The following RAB3GAP1 variants were observed in gnomAD, a reference collection of about 807,000 sequenced individuals.
RAB3GAP1 encodes rab3 GTPase-activating protein catalytic subunit.
RAB3GAP1 carries 86 observed loss-of-function variants against 130.7 expected under a neutral mutation model. The observed-to-expected ratio is 0.66, with a 90% CI of 0.55 to 0.79. The LOEUF is 0.79. Ranked by LOEUF, RAB3GAP1 falls within the 30% of genes least tolerant of loss-of-function variation. RAB3GAP1 has a pLI of 0.00. For synonymous variants in RAB3GAP1, 367 were observed against 401.7 expected (o/e 0.91, Z 1.03); for missense variants, 1,029 against 1,169.4 (o/e 0.88, Z 1.75).
At chr2:135,165,895 G>A (rs1264272055) in intron 23 of RAB3GAP1, among the ~76,000 whole-genome samples, 2 of 152,274 alleles carry the variant, frequency 1.3e-5, no homozygotes, top group African/African-American at 4.8e-5. Flanking sequence ...TAAGTGACAT[G>A]TTGGCTGGGT....
chr2:135,107,798 C>A (rs924342185), intron 5 of RAB3GAP1, among the ~76,000 whole-genome samples: 1 of 151,674 alleles, frequency 6.6e-6, no homozygotes, highest in Non-Finnish European at 1.5e-5. Context: ...CATGGTGAAA[C>A]CCCGTCTCTA....
At position 135,054,654 on chromosome 2, in the gene RAB3GAP1, C is replaced by A. The variant is rs1328067793; in HGVS notation, c.74+2169C>A. Among the ~76,000 whole-genome samples, 3 of 152,196 alleles carry A rather than the reference C, an allele frequency of 2.0e-5. No homozygotes were observed. In the East Asian group the frequency reaches 5.8e-4, roughly 29 times the overall value. ...TGAAGGTAGTTAGAAAAATGTAATT[C>A]AAATCTTGGAGGGTGGGGTAGGGAA... is the stretch of plus-strand genomic sequence containing the variant. On this transcript the variant is annotated intron_variant, in intron 2 of 23. Transcript: ENST00000264158.
intron 5 of RAB3GAP1, among the ~76,000 whole-genome samples, chr2:135,110,371 G>C (rs1202899484): frequency 2.6e-5 from 4 of 152,090 alleles, no homozygotes; most frequent in Non-Finnish European, 5.9e-5. Flanking sequence ...CTAAGCTCAA[G>C]TGATCCTCCT....
rs138464557 is a variant in RAB3GAP1 at position 135,168,673 on chromosome 2, G to A, written c.2838G>A (p.Pro946=). The A allele has an allele frequency of 9.3e-6, 15 of 1,614,134 alleles. No individual in the cohort carries two copies. The highest frequency in any genetic ancestry group is 1.6e-4 in the Middle Eastern group (1 of 6,062). Residue 946 remains proline, a synonymous_variant, in exon 24 of 24, where the codon CCG becomes CCA. Transcript: ENST00000264158. ...AATTCATTTTGCGCACCACTGTGCC[G>A]CGCCCTGCTCCCTACTCCAAAGCTC... is the stretch of plus-strand genomic sequence containing the variant. The part of the protein sequence containing the change: ...GREFILRTTV[P]RPAPYSKALP...
intron 23 of RAB3GAP1, chr2:135,167,728 T>A: frequency 6.8e-7 from 1 of 1,474,528 alleles, no homozygotes; most frequent in South Asian, 1.2e-5. Flanking sequence ...CAAAATAGCC[T>A]TTGCCCCTCA....
intron 17 of RAB3GAP1, among the ~76,000 whole-genome samples, chr2:135,146,493 T>G (rs1420865847): frequency 6.6e-6 from 1 of 152,194 alleles, no homozygotes; most frequent in Non-Finnish European, 1.5e-5. Flanking sequence ...ATTACAGGCT[T>G]GAGCCACCGC....
At chr2:135,149,158 C>T (rs1692092243) in intron 17 of RAB3GAP1, among the ~76,000 whole-genome samples, 1 of 152,122 alleles carries the variant, frequency 6.6e-6, no homozygotes, top group South Asian at 2.1e-4. Context: ...TCCTTCCTTC[C>T]CATCCTGTGA....
At chr2:135,057,891 T>G in intron 2 of RAB3GAP1, 120 bp from the exon 3 acceptor site, 3 of 725,268 alleles carry the variant, frequency 4.1e-6, no homozygotes, top group Non-Finnish European at 7.3e-6. Flanking sequence ...CAATACTAAA[T>G]GTACTGAGTC....
intron 2 of RAB3GAP1, 120 bp from the exon 3 acceptor site, chr2:135,057,891 T>C (rs1215386480): frequency 2.8e-6 from 2 of 725,150 alleles, no homozygotes; most frequent in African/African-American, 1.8e-5. Context: ...CAATACTAAA[T>C]GTACTGAGTC....
At chr2:135,106,764 A>C (rs546490263) in intron 5 of RAB3GAP1, among the ~76,000 whole-genome samples, 7 of 143,888 alleles carry the variant, frequency 4.9e-5, no homozygotes, top group Admixed American at 1.4e-4. Flanking sequence ...ACTAAAAAAA[A>C]AAATAAAAAA....
intron 17 of RAB3GAP1, among the ~76,000 whole-genome samples, chr2:135,144,914 G>A (rs1314633287): frequency 1.3e-5 from 2 of 152,134 alleles, no homozygotes; most frequent in African/African-American, 4.8e-5. Context: ...CACACAAGAT[G>A]GTTGTACTGA....
chr2:135,145,581 G>A (rs1223516385), intron 17 of RAB3GAP1, among the ~76,000 whole-genome samples: 1 of 152,172 alleles, frequency 6.6e-6, no homozygotes, highest in African/African-American at 2.4e-5. Context: ...TTTAGCATAT[G>A]TATGGATTGG....
At chr2:135,099,465 G>A (rs1174272937) in intron 5 of RAB3GAP1, among the ~76,000 whole-genome samples, 1 of 146,424 alleles carries the variant, frequency 6.8e-6, no homozygotes, top group Non-Finnish European at 1.5e-5. Context: ...GTGTGTGTGT[G>A]TATGTATGTG....
chr2:135,073,881 G>T (rs151077997), intron 3 of RAB3GAP1, among the ~76,000 whole-genome samples: 25 of 152,276 alleles, frequency 1.6e-4, no homozygotes, highest in African/African-American at 5.8e-4. Flanking sequence ...TGATGGGACC[G>T]TAAAAAACGT....
chr2:135,162,627 G>C lies in RAB3GAP1; in HGVS notation c.2362G>C (p.Ala788Pro). 1.2e-6 allele frequency: 2 copies of C among 1,614,114 alleles called. No homozygotes were observed. Among genetic ancestry groups the C allele is most frequent in the Non-Finnish European group, 1.7e-6 (2 of 1,179,974 alleles). The change falls in exon 20 of 24, where the codon GCT becomes CCT. Residue 788 changes from alanine (A) to proline (P), a missense_variant. Ala to Pro is a conservative substitution (Grantham distance 27, BLOSUM62 -1). Transcript: ENST00000264158. ...RHLLPCVIHA[A>P]VLKVKEEESL... ...CCTGTTACCTTGTGTGATTCATGCA[G>C]CTGTACTCAAGGTAAAGGAAGAAGG...
At chr2:135,056,322 C>T (rs1334733170) in intron 2 of RAB3GAP1, among the ~76,000 whole-genome samples, 1 of 152,110 alleles carries the variant, frequency 6.6e-6, no homozygotes, top group East Asian at 1.9e-4. Context: ...CCTGCATCAG[C>T]CTCCTGAGTA....
At position 135,153,769 on chromosome 2, in the gene RAB3GAP1, C is replaced by G. The variant is rs754107133; in HGVS notation, c.2182C>G (p.Arg728Gly). Residue 728 changes from arginine to glycine, a missense_variant, in exon 19 of 24, where the codon CGG becomes GGG. By Grantham distance (125) the Arg-to-Gly change is moderately radical (BLOSUM62 -2). Coordinates refer to ENST00000264158, the MANE Select transcript of RAB3GAP1 (RefSeq NM_012233.3). ...GGTGCTGAAAGGAGAACTGAGTGCC[C>G]GGATGAAGATTCCAAGCAATATGTG... ...NVVLKGELSA[R>G]MKIPSNMWVE... is the part of the protein sequence containing the mutation. 1 of 1,613,848 alleles carries G rather than the reference C, an allele frequency of 6.2e-7. No individual in the cohort carries two copies. The highest frequency in any genetic ancestry group is 1.7e-5 in the Admixed American group (1 of 59,978).
chr2:135,132,021 T>C (rs1691561275), intron 13 of RAB3GAP1, among the ~76,000 whole-genome samples: 1 of 152,230 alleles, frequency 6.6e-6, no homozygotes, highest in East Asian at 1.9e-4. Context: ...AAGATGTAGG[T>C]AGTGATACTT....
intron 3 of RAB3GAP1, 25 bp from the exon 4 acceptor site, chr2:135,090,973 T>G: frequency 6.3e-7 from 1 of 1,593,866 alleles, no homozygotes; most frequent in South Asian, 1.1e-5. Context: ...AGGTAAATAT[T>G]TTGCCATTTT....
Sources: allele counts gnomAD v4.1 joint callset (sites outside exome capture counted in the v4.1 genomes callset), GRCh38; gene constraint gnomAD v4.1.1; transcripts MANE v1.5; gene names NCBI Gene and HGNC (gene_info 2026-07-23, HGNC 2026-07-21).